The following UGGT1 variants were observed in gnomAD, a reference collection of about 807,000 sequenced individuals.
UGGT1 encodes UDP-glucose glycoprotein glucosyltransferase 1.
Under a neutral mutation model 203.9 loss-of-function variants are expected in UGGT1, and 107 were observed. The observed-to-expected ratio is 0.52, with a 90% CI of 0.45 to 0.62. The LOEUF is 0.62. Ranked by LOEUF, UGGT1 falls within the 20% of genes least tolerant of loss-of-function variation. The pLI is 0.00. For missense variants in UGGT1, 1,673 were observed against 1,867.2 expected (o/e 0.90, Z 1.92); for synonymous variants, 628 against 653.5 (o/e 0.96, Z 0.59).
chr2:128,170,691 A>G (rs1037368485), intron 27 of UGGT1, among the ~76,000 whole-genome samples: 4 of 152,254 alleles, frequency 2.6e-5, no homozygotes, highest in African/African-American at 9.6e-5. Context: ...TTATAATATC[A>G]GAGATAAAAT....
chr2:128,119,126 A>G (rs1437712430), intron 8 of UGGT1, among the ~76,000 whole-genome samples: 5 of 152,310 alleles, frequency 3.3e-5, no homozygotes, highest in Admixed American at 6.5e-5. Flanking sequence ...AAATGCTTCA[A>G]TGAACATTTA....
chr2:128,093,296 G>C (rs1234491463), intron 1 of UGGT1, among the ~76,000 whole-genome samples: 1 of 152,084 alleles, frequency 6.6e-6, no homozygotes, highest in Non-Finnish European at 1.5e-5. Flanking sequence ...GCATTTTATA[G>C]CATCTTCACT....
At chr2:128,124,201 C>T (rs556418493) in intron 11 of UGGT1, among the ~76,000 whole-genome samples, 3 of 152,316 alleles carry the variant, frequency 2.0e-5, no homozygotes, top group Admixed American at 2.0e-4. Context: ...CCGCCTCGGC[C>T]TCCCAAAGTG....
In UGGT1 at chr2:128,176,956, G is replaced by C; in HGVS notation, c.3624+58G>C. On this transcript the variant is annotated intron_variant, in intron 32 of 40. Coordinates refer to ENST00000259253, the MANE Select transcript of UGGT1 (RefSeq NM_020120.4). Reference sequence around the variant, plus strand: ...TTGGACAGCTGTCATTTAAAAATATGTATCTTGGAACCAGCCCAAGAGTCT... The same window carrying C: ...TTGGACAGCTGTCATTTAAAAATATCTATCTTGGAACCAGCCCAAGAGTCT... The C allele has an allele frequency of 2.0e-6, 3 of 1,529,598 alleles. No homozygotes were observed. In the South Asian group the frequency reaches 3.4e-5, roughly 17 times the overall value. The allele number at this position is 1,529,598 out of a possible 1,614,324, so 94.8% of individuals were successfully genotyped here. A position where few individuals can be genotyped will look rare whatever the true frequency, so the allele number is the denominator to read the frequency against.
intron 9 of UGGT1, among the ~76,000 whole-genome samples, chr2:128,120,730 TA>T (rs1343765332): frequency 6.6e-6 from 1 of 152,204 alleles, no homozygotes; most frequent in African/African-American, 2.4e-5. Context: ...GTCATAGTCC[TA>T]AGTTCCTATA....
intron 18 of UGGT1, among the ~76,000 whole-genome samples, chr2:128,149,917 G>A (rs1162874669): frequency 1.3e-5 from 2 of 152,180 alleles, no homozygotes; most frequent in African/African-American, 2.4e-5. Context: ...AGCCAAGATC[G>A]TGACATTGCA....
At position 128,116,285 on chromosome 2, in the gene UGGT1, G is replaced by C; in HGVS notation, c.814G>C (p.Val272Leu). 1 of 1,609,154 alleles carries C rather than the reference G, an allele frequency of 6.2e-7. No individual in the cohort carries two copies. Among genetic ancestry groups the C allele is most frequent in the East Asian group, 2.2e-5 (1 of 44,828 alleles). The change falls in exon 8 of 41, where the codon GTG (valine) becomes CTG (leucine). Residue 272 changes from valine (V) to leucine (L), a missense_variant. Physicochemically the swap from Val to Leu is conservative, Grantham distance 32. Around this residue, in one of 4 missense-constraint regions of UGGT1, gnomAD observed 1,073 missense variants for 1,078.7 expected, o/e 0.99. Coordinates refer to ENST00000259253, the MANE Select transcript of UGGT1 (RefSeq NM_020120.4). The part of the protein sequence containing the change: ...QVKGTEVNTT[V>L]IGENDPIDEV... ...CATAGGAACTGAGGTAAACACCACA[G>C]TGATTGGTGAAAATGATCCTATTGA...
In UGGT1 at chr2:128,186,806, C is replaced by T. The variant is rs201650913; in HGVS notation, c.4476+7C>T. 598 of 1,604,508 alleles carry T rather than the reference C, an allele frequency of 3.7e-4. 5 individuals carry two copies. Among genetic ancestry groups the T allele is most frequent in the South Asian group, 2.3e-4 (21 of 90,180 alleles). ...GGCAAAAACCATTGATTTGGTAAGCCGTATGTGGTGTGCTTCTGCATGTTC... is the reference window on the plus strand; with the variant it reads ...GGCAAAAACCATTGATTTGGTAAGCTGTATGTGGTGTGCTTCTGCATGTTC... On this transcript the variant is annotated splice_region_variant and intron_variant, in intron 39 of 40. Coordinates refer to ENST00000259253, the MANE Select transcript of UGGT1 (RefSeq NM_020120.4).
rs142852248 is a variant in UGGT1, at chr2:128,129,081, T to C, written c.1279T>C (p.Leu427=). The change falls in exon 13 of 41, where the codon TTG becomes CTG. Residue 427 remains leucine (L), a synonymous_variant. Coordinates refer to ENST00000259253, the MANE Select transcript of UGGT1 (RefSeq NM_020120.4). ...EARVMEGLHR[L]GIEGLSLHNV... ...TCGGGTAATGGAGGGTCTGCATAGA[T>C]TGGGAATAGAAGGCCTTTCTCTGCA... is the stretch of plus-strand genomic sequence containing the variant. 567 of 1,614,064 alleles carry C rather than the reference T, an allele frequency of 3.5e-4. 3 individuals carry two copies. The South Asian group carries it at 6.0e-3, about 17-fold the overall frequency.
chr2:128,174,054 G>T, intron 30 of UGGT1, 115 bp downstream of exon 30: 1 of 1,244,476 alleles, frequency 8.0e-7, no homozygotes, highest in Non-Finnish European at 1.1e-6. Flanking sequence ...ATTCATTATG[G>T]GCTGAATTTG....
chr2:128,092,605 C>CTTTTTTT (rs55814829), intron 1 of UGGT1, among the ~76,000 whole-genome samples: 26 of 126,684 alleles, frequency 2.1e-4, no homozygotes, highest in African/African-American at 2.6e-4. Flanking sequence ...TTCTTTCTTT[C>CTTTTTTT]TTTTTTTTTT....
In UGGT1 at chr2:128,191,017, G is replaced by C. The variant is rs1356237313; in HGVS notation, c.*1275G>C. 6.6e-6 allele frequency: 1 copy of C among 152,268 alleles called. No individual in the cohort carries two copies. Among genetic ancestry groups the C allele is most frequent in the Non-Finnish European group, 1.5e-5 (1 of 68,090 alleles). The allele number at this position is 152,268 out of a possible 1,614,324, so 9.4% of individuals were successfully genotyped here. On this transcript the variant is annotated 3_prime_UTR_variant, in exon 41 of 41. Transcript: ENST00000259253. ...GCTGGTGAACGGGCTGTAGAGTCTT[G>C]AGTATGTTATTGGCCTAAGTGGGCA...
chr2:128,183,827 G>C, intron 38 of UGGT1, 38 bp downstream of exon 38: 1 of 1,485,558 alleles, frequency 6.7e-7, no homozygotes, highest in Non-Finnish European at 9.4e-7. Context: ...GTGAGTGACG[G>C]GTATACAGTG....
At position 128,152,767 on chromosome 2, in the gene UGGT1, C is replaced by T; in HGVS notation, c.2017-17C>T. On this transcript the variant is annotated splice_polypyrimidine_tract_variant and intron_variant, in intron 18 of 40. Coordinates refer to ENST00000259253, the MANE Select transcript of UGGT1 (RefSeq NM_020120.4). Reference sequence around the variant, plus strand: ...TGCTTTACCCTCCCCCCTCAACCTCCTTTTTTTTTCTTGCAGGGTGAACTG... The same window carrying T: ...TGCTTTACCCTCCCCCCTCAACCTCTTTTTTTTTTCTTGCAGGGTGAACTG... 6.4e-7 allele frequency: 1 copy of T among 1,572,468 alleles called. No individual in the cohort carries two copies.
Position 128,189,862 on chromosome 2 carries a change from T to C in UGGT1, c.*120T>C. 1 of 1,104,876 alleles carries C rather than the reference T, an allele frequency of 9.1e-7. No homozygotes were observed. Among genetic ancestry groups the C allele is most frequent in the Non-Finnish European group, 1.3e-6 (1 of 755,436 alleles). 68.4% of individuals were successfully genotyped at this position (1,104,876 alleles called of 1,614,324 possible). On this transcript the variant is annotated 3_prime_UTR_variant, in exon 41 of 41. Transcript: ENST00000259253. ...CCGGCTGGGCAGGAGTGCCACACCT[T>C]TTGATTCTGAGCATTTGATTCTGAC...
chr2:128,160,327 C>A, intron 23 of UGGT1, 133 bp from the exon 24 acceptor site: 2 of 929,926 alleles, frequency 2.2e-6, no homozygotes, highest in Non-Finnish European at 3.1e-6. Context: ...ATTGACACAT[C>A]TTAATGTTAA....
chr2:128,184,756 A>T lies in UGGT1; in HGVS notation c.4359+967A>T, dbSNP rs562220136. ...CAGTGGCATGCTCTGGGTTGCACTC[A>T]CTGCAACCTCCACCTCCCGGGTTCA... On this transcript the variant is annotated intron_variant, in intron 38 of 40. Transcript: ENST00000259253. Among the ~76,000 whole-genome samples, 3 of 152,204 alleles carry T rather than the reference A, an allele frequency of 2.0e-5. No homozygotes were observed. In the South Asian group the frequency reaches 6.2e-4, roughly 32 times the overall value.
chr2:128,101,171 T>C (rs1254944217), intron 2 of UGGT1, among the ~76,000 whole-genome samples: 1 of 152,192 alleles, frequency 6.6e-6, no homozygotes, highest in Non-Finnish European at 1.5e-5. Context: ...TAGAATCCAC[T>C]TAGTATTCAC....
intron 16 of UGGT1, among the ~76,000 whole-genome samples, chr2:128,139,341 C>T (rs1367162654): frequency 6.6e-6 from 1 of 152,172 alleles, no homozygotes; most frequent in African/African-American, 2.4e-5. Flanking sequence ...CCATGTCAGT[C>T]CCAAATAGCT....
Sources: gnomAD v4.1 joint callset for allele counts (sites outside exome capture counted in the v4.1 genomes callset) on GRCh38, gnomAD v4.1.1 for gene constraint, gnomAD v4.1.1 regional missense constraint, MANE v1.5 for transcripts, NCBI Gene and HGNC (gene_info 2026-07-23, HGNC 2026-07-21) for gene names.